ST6GALNAC3: variants seen among roughly 807,000 people sequenced by gnomAD.
The protein encoded by ST6GALNAC3 is ST6 N-acetylgalactosaminide alpha-2,6-sialyltransferase 3, also known as alpha-N-acetylgalactosaminide alpha-2,6-sialyltransferase 3.
ST6GALNAC3 carries 25 observed loss-of-function variants against 32.7 expected under a neutral mutation model. The observed-to-expected ratio is 0.76, with a 90% CI of 0.56 to 1.07. The LOEUF (loss-of-function observed/expected upper bound fraction) is 1.07, where lower values mean the gene tolerates loss of function less well. Ranked by LOEUF, ST6GALNAC3 falls within the 50% of genes least tolerant of loss-of-function variation. The pLI is 0.00. For synonymous variants in ST6GALNAC3, 129 were observed against 133.1 expected (o/e 0.97, Z 0.21); for missense variants, 355 against 382.4 (o/e 0.93, Z 0.60).
At chr1:76,520,378 A>T (rs1662446347) in intron 3 of ST6GALNAC3, among the ~76,000 whole-genome samples, 1 of 152,166 alleles carries the variant, frequency 6.6e-6, no homozygotes, top group Non-Finnish European at 1.5e-5. Context: ...CCCATTTTAT[A>T]AAGCTGTATT....
chr1:76,465,115 T>C (rs1318513143), intron 3 of ST6GALNAC3, among the ~76,000 whole-genome samples: 1 of 152,160 alleles, frequency 6.6e-6, no homozygotes, highest in Non-Finnish European at 1.5e-5. Flanking sequence ...GAAGAATAAA[T>C]GAACAGCATA....
intron 3 of ST6GALNAC3, among the ~76,000 whole-genome samples, chr1:76,440,591 ACT>A (rs1353534440): frequency 3.9e-5 from 6 of 152,110 alleles, no homozygotes; most frequent in Admixed American, 2.6e-4. Flanking sequence ...TCTTCATCAA[ACT>A]CTGTTTTTAG....
chr1:76,480,213 AT>A (rs1659632573), intron 3 of ST6GALNAC3, among the ~76,000 whole-genome samples: 1 of 152,216 alleles, frequency 6.6e-6, no homozygotes, highest in African/African-American at 2.4e-5. Flanking sequence ...ACTGAAATAG[AT>A]TTGCATAAGA....
intron 1 of ST6GALNAC3, among the ~76,000 whole-genome samples, chr1:76,259,112 C>CAG (rs767748536): frequency 6.6e-5 from 10 of 152,162 alleles, no homozygotes; most frequent in Non-Finnish European, 1.0e-4. Flanking sequence ...TGAAAGAATA[C>CAG]AGAATCATGA....
chr1:76,515,026 C>T (rs1251243773), intron 3 of ST6GALNAC3, among the ~76,000 whole-genome samples: 1 of 152,078 alleles, frequency 6.6e-6, no homozygotes, highest in Non-Finnish European at 1.5e-5. Flanking sequence ...AATGCTGCCT[C>T]ATAAAATTAG....
chr1:76,090,060 C>A (rs1002654591), intron 1 of ST6GALNAC3, among the ~76,000 whole-genome samples: 1 of 152,074 alleles, frequency 6.6e-6, no homozygotes, highest in Non-Finnish European at 1.5e-5. Flanking sequence ...TTATCTGAGC[C>A]ACGGTTTCTC....
chr1:76,463,004 G>T (rs1413449582), intron 3 of ST6GALNAC3, among the ~76,000 whole-genome samples: 1 of 152,098 alleles, frequency 6.6e-6, no homozygotes, highest in Non-Finnish European at 1.5e-5. Flanking sequence ...CCCTTGCTCT[G>T]CTAAAGTAGT....
chr1:76,150,916 T>C (rs1406139662), intron 1 of ST6GALNAC3, among the ~76,000 whole-genome samples: 1 of 152,204 alleles, frequency 6.6e-6, no homozygotes, highest in Non-Finnish European at 1.5e-5. Flanking sequence ...TTGATAGAGC[T>C]AGCTGTTTTG....
rs56762321 is a variant in ST6GALNAC3 at position 76,357,452 on chromosome 1, A to C, written c.213+43453A>C. Reference sequence around the variant, plus strand: ...CTAGCACTCATCTTCACATCCTTCCACATGTCTTCCAATTTCCTTCCTTGT... The same window carrying C: ...CTAGCACTCATCTTCACATCCTTCCCCATGTCTTCCAATTTCCTTCCTTGT... On this transcript the variant is annotated intron_variant, in intron 2 of 4. Transcript: ENST00000328299. 6.8e-3 allele frequency among the ~76,000 whole-genome samples: 1,035 copies of C among 151,960 alleles called. 7 individuals are homozygous for C. Among genetic ancestry groups the C allele is most frequent in the African/African-American group, 0.024 (1,012 of 41,466 alleles).
At chr1:76,614,708 G>T (rs1648167154) in intron 3 of ST6GALNAC3, among the ~76,000 whole-genome samples, 1 of 123,966 alleles carries the variant, frequency 8.1e-6, no homozygotes, top group Non-Finnish European at 1.6e-5. Flanking sequence ...GACAGAGCGA[G>T]ACTCCATCTC....
chr1:76,503,527 T>C (rs145781317), intron 3 of ST6GALNAC3, among the ~76,000 whole-genome samples: 6 of 152,344 alleles, frequency 3.9e-5, no homozygotes, highest in African/African-American at 1.4e-4. Context: ...GATGAATGTG[T>C]ACTTTTACAG....
chr1:76,318,457 T>G (rs935135233), intron 2 of ST6GALNAC3, among the ~76,000 whole-genome samples: 1 of 152,154 alleles, frequency 6.6e-6, no homozygotes, highest in Non-Finnish European at 1.5e-5. Context: ...AAGTCTTCGC[T>G]GGCCACGGAG....
intron 3 of ST6GALNAC3, among the ~76,000 whole-genome samples, chr1:76,468,019 TTTC>T (rs1353464323): frequency 6.6e-6 from 1 of 151,846 alleles, no homozygotes; most frequent in African/African-American, 2.4e-5. Flanking sequence ...TCTCTTATAT[TTTC>T]TTTTTTTCTA....
At chr1:76,626,750 T>C (rs138365828) in intron 3 of ST6GALNAC3, among the ~76,000 whole-genome samples, 2 of 151,956 alleles carry the variant, frequency 1.3e-5, no homozygotes, top group Non-Finnish European at 2.9e-5. Flanking sequence ...TATAGCTACC[T>C]CCAAATCCAA....
intron 3 of ST6GALNAC3, among the ~76,000 whole-genome samples, chr1:76,615,187 C>T (rs1045769084): frequency 6.6e-6 from 1 of 152,042 alleles, no homozygotes; most frequent in Admixed American, 6.5e-5. Flanking sequence ...TCCTTTTGTC[C>T]AGTTCATGAG....
At chr1:76,177,902 C>G (rs1441031819) in intron 1 of ST6GALNAC3, among the ~76,000 whole-genome samples, 1 of 152,112 alleles carries the variant, frequency 6.6e-6, no homozygotes, top group Admixed American at 6.5e-5. Flanking sequence ...AATATGGACC[C>G]TCCCTGAAAA....
intron 3 of ST6GALNAC3, among the ~76,000 whole-genome samples, chr1:76,473,021 G>T (rs1181514186): frequency 6.6e-6 from 1 of 152,038 alleles, no homozygotes; most frequent in Non-Finnish European, 1.5e-5. Context: ...GATAAATCTT[G>T]GATAGAAGGG....
At chr1:76,255,436 G>A (rs549476938) in intron 1 of ST6GALNAC3, among the ~76,000 whole-genome samples, 1 of 152,210 alleles carries the variant, frequency 6.6e-6, no homozygotes, top group Non-Finnish European at 1.5e-5. Context: ...ATCCACTGGT[G>A]TAAATAAGAA....
intron 1 of ST6GALNAC3, among the ~76,000 whole-genome samples, chr1:76,092,964 G>T (rs1042413775): frequency 1.3e-5 from 2 of 152,156 alleles, no homozygotes; most frequent in African/African-American, 4.8e-5. Flanking sequence ...TTCTCTGGAC[G>T]TGTCTTTAGA....
Sources: gnomAD v4.1 joint callset for allele counts (sites outside exome capture counted in the v4.1 genomes callset) on GRCh38, gnomAD v4.1.1 for gene constraint, MANE v1.5 for transcripts, NCBI Gene and HGNC (gene_info 2026-07-23, HGNC 2026-07-21) for gene names.